The following ATXN10 variants were observed in gnomAD, a reference collection of about 807,000 sequenced individuals.
ATXN10 encodes ataxin-10.
ATXN10 carries 28 observed loss-of-function variants against 52.9 expected under a neutral mutation model. The ratio of observed to expected loss-of-function variants is 0.53; its 90% CI spans 0.39 to 0.73. The LOEUF (loss-of-function observed/expected upper bound fraction) is 0.73, where lower values mean the gene tolerates loss of function less well. Among genes scored for constraint, ATXN10 ranks in the 30% least tolerant of loss-of-function variants. The probability of loss-of-function intolerance (pLI) is 0.00; values close to 1 mark genes in which losing one functional copy is unlikely to be tolerated. For synonymous variants in ATXN10, 226 were observed against 221.5 expected, an observed-to-expected ratio of 1.02 and a Z score of -0.18; for missense variants, 565 against 577.0, an observed-to-expected ratio of 0.98 and a Z score of 0.21.
rs1928077635 is a variant in ATXN10, at chr22:45,805,698, G to A, written c.1174-1261G>A. ...GGATAGTTGCCAAGGACTGGGGGGA[G>A]GGAAGAATAAGGAGTGACTGCCAGT... On this transcript the variant is annotated intron_variant, in intron 9 of 11. Coordinates refer to ENST00000252934, the MANE Select transcript of ATXN10 (RefSeq NM_013236.4). This position sits in a 1 kb window ranked among gnomAD's most constrained non-coding sequence, Gnocchi z 4.4. Among the ~76,000 whole-genome samples, 2 of 152,210 alleles carry A rather than the reference G, an allele frequency of 1.3e-5. No individual in the cohort carries two copies. Among genetic ancestry groups the A allele is most frequent in the Non-Finnish European group, 2.9e-5 (2 of 68,042 alleles).
At chr22:45,749,446 T>C (rs942163030) in intron 9 of ATXN10, among the ~76,000 whole-genome samples, 1 of 152,246 alleles carries the variant, frequency 6.6e-6, no homozygotes, top group African/African-American at 2.4e-5. Flanking sequence ...TTTGTGTGAC[T>C]CTTTGAGGTG....
In ATXN10 at chr22:45,787,379, C is replaced by T. The variant is rs1182417065; in HGVS notation, c.1174-19580C>T. On this transcript the variant is annotated intron_variant, in intron 9 of 11. Coordinates refer to ENST00000252934, the MANE Select transcript of ATXN10 (RefSeq NM_013236.4). The surrounding 1 kb of genome is among the most constrained non-coding windows in gnomAD (Gnocchi z 4.2). ...GGAGTTCGGACCTTTTTCCGTCTAC[C>T]GCTGTGTCTTGATCTGCCTCCTGGC... 1.1e-4 allele frequency among the ~76,000 whole-genome samples: 17 copies of T among 152,114 alleles called. No individual in the cohort carries two copies. Among genetic ancestry groups the T allele is most frequent in the African/African-American group, 3.4e-4 (14 of 41,430 alleles).
chr22:45,694,570 T>A (rs1185720729), intron 3 of ATXN10, among the ~76,000 whole-genome samples: 1 of 151,268 alleles, frequency 6.6e-6, no homozygotes, highest in Non-Finnish European at 1.5e-5. Flanking sequence ...TCATTTGAGG[T>A]CAGGAGTTCA....
chr22:45,755,810 T>C (rs917826456), intron 9 of ATXN10, among the ~76,000 whole-genome samples: 3 of 152,172 alleles, frequency 2.0e-5, no homozygotes, highest in African/African-American at 7.2e-5. Flanking sequence ...CTTAAATATA[T>C]CAGTGCGTTC....
At position 45,757,058 on chromosome 22, in the gene ATXN10, G is replaced by T. The variant is rs1228778450; in HGVS notation, c.1173+16520G>T. ...GTTCCAGATGCTTTCCCAAGTGGCTGTGCCCTCCTCCTATTTGCGGAGGAA... is the reference window on the plus strand; with the variant it reads ...GTTCCAGATGCTTTCCCAAGTGGCTTTGCCCTCCTCCTATTTGCGGAGGAA... On this transcript the variant is annotated intron_variant, in intron 9 of 11. Coordinates refer to ENST00000252934, the MANE Select transcript of ATXN10 (RefSeq NM_013236.4). This position sits in a 1 kb window ranked among gnomAD's most constrained non-coding sequence, Gnocchi z 4.6. Among the ~76,000 whole-genome samples, 2 of 152,130 alleles carry T rather than the reference G, an allele frequency of 1.3e-5. No individual in the cohort carries two copies. The highest frequency in any genetic ancestry group is 3.9e-4 in the East Asian group (2 of 5,188).
In ATXN10 at chr22:45,766,502, G is replaced by C. The variant is rs1436751475; in HGVS notation, c.1173+25964G>C. On this transcript the variant is annotated intron_variant, in intron 9 of 11. Transcript: ENST00000252934. The surrounding 1 kb of genome is among the most constrained non-coding windows in gnomAD (Gnocchi z 4.6). The stretch of plus-strand genomic sequence containing the variant: ...AAAAAGGTTGGGAACTCCTCCTTTA[G>C]ATAAAACTGGATACATCCCTTATAA... Among the ~76,000 whole-genome samples, 1 of 152,144 alleles carries C rather than the reference G, an allele frequency of 6.6e-6. No individual in the cohort carries two copies. The highest frequency in any genetic ancestry group is 1.5e-5 in the Non-Finnish European group (1 of 68,034).
intron 3 of ATXN10, among the ~76,000 whole-genome samples, chr22:45,694,031 A>G (rs1313099317): frequency 1.3e-5 from 2 of 152,204 alleles, no homozygotes; most frequent in Admixed American, 6.5e-5. Flanking sequence ...AAAACAGACA[A>G]AAAGTGTCTG....
At chr22:45,673,516 C>T (rs971452787) in intron 1 of ATXN10, 3 of 152,218 alleles carry the variant, frequency 2.0e-5, no homozygotes, top group Non-Finnish European at 4.4e-5. Flanking sequence ...TTAGGCATTT[C>T]TGTATCATGA....
chr22:45,777,785 G>A (rs909934975), intron 9 of ATXN10, among the ~76,000 whole-genome samples: 8 of 152,246 alleles, frequency 5.3e-5, no homozygotes, highest in African/African-American at 1.4e-4. Context: ...TGGAGTCATG[G>A]TTCTGATTTC....
chr22:45,788,843 C>T (rs1927408335), intron 9 of ATXN10, among the ~76,000 whole-genome samples: 1 of 151,948 alleles, frequency 6.6e-6, no homozygotes, highest in Non-Finnish European at 1.5e-5. Context: ...GAGATGAGGT[C>T]TCGCCGTGTT....
intron 10 of ATXN10, among the ~76,000 whole-genome samples, chr22:45,827,966 C>T (rs548213386): frequency 2.6e-5 from 4 of 152,148 alleles, no homozygotes; most frequent in African/African-American, 9.6e-5. Flanking sequence ...AGAAATAGAA[C>T]TAAAACTGGA....
intron 10 of ATXN10, among the ~76,000 whole-genome samples, chr22:45,830,886 T>C (rs1455076616): frequency 1.1e-4 from 16 of 152,068 alleles, no homozygotes; most frequent in Non-Finnish European, 1.5e-5. Flanking sequence ...GAATTGAGAG[T>C]AGTGTCTCAA....
At position 45,672,049 on chromosome 22, in the gene ATXN10, G is replaced by T; in HGVS notation, c.-15G>T. ...CCTCCTCCTCGTCAGGCTCGACCCA[G>T]CTGTGAGCGGCAAGATGGCGGCGCC... On this transcript the variant is annotated 5_prime_UTR_variant, in exon 1 of 12. Transcript: ENST00000252934. 6.5e-7 allele frequency: 1 copy of T among 1,535,146 alleles called. No homozygotes were observed. The highest frequency in any genetic ancestry group is 8.7e-7 in the Non-Finnish European group (1 of 1,144,616).
chr22:45,799,251 A>G (rs1302776249), intron 9 of ATXN10, among the ~76,000 whole-genome samples: 4 of 152,162 alleles, frequency 2.6e-5, no homozygotes, highest in Non-Finnish European at 5.9e-5. Context: ...AACATTTTTT[A>G]TAAAAATTGA....
Position 45,826,332 on chromosome 22 carries a change from T to C in ATXN10, c.1238-16659T>C, listed in dbSNP as rs750832988. Among the ~76,000 whole-genome samples the C allele has an allele frequency of 2.0e-5, 3 of 152,080 alleles. No individual in the cohort carries two copies. The highest frequency in any genetic ancestry group is 7.2e-5 in the African/African-American group (3 of 41,404). On this transcript the variant is annotated intron_variant, in intron 10 of 11. Coordinates refer to ENST00000252934, the MANE Select transcript of ATXN10 (RefSeq NM_013236.4). The surrounding 1 kb of genome is among the most constrained non-coding windows in gnomAD (Gnocchi z 5.0). ...TGGAACACCATCAAGCCAACCAACATACGCATTGTGGGAAACAAGGAAAAA... is the reference window on the plus strand; with the variant it reads ...TGGAACACCATCAAGCCAACCAACACACGCATTGTGGGAAACAAGGAAAAA...
rs376806622 is a variant in ATXN10 at position 45,719,531 on chromosome 22, C to T, written c.728+1038C>T. ...GTTTTTTGACCTAAAAGAGATAATA[C>T]GACATACAGTGCTAAAAATTAGTAT... On this transcript the variant is annotated intron_variant, in intron 6 of 11. Coordinates refer to ENST00000252934, the MANE Select transcript of ATXN10 (RefSeq NM_013236.4). Among the ~76,000 whole-genome samples, 6 of 151,162 alleles carry T rather than the reference C, an allele frequency of 4.0e-5. 1 individual carries two copies. The highest frequency in any genetic ancestry group is 3.4e-3 in the Middle Eastern group (1 of 292).
intron 1 of ATXN10, among the ~76,000 whole-genome samples, chr22:45,687,089 T>G (rs1488007464): frequency 6.6e-6 from 1 of 152,188 alleles, no homozygotes; most frequent in Non-Finnish European, 1.5e-5. Flanking sequence ...TTAATAGTTA[T>G]TTGGATTTCA....
rs747358022 is a variant in ATXN10 at position 45,736,499 on chromosome 22, TTACAGATAAGG to T, written c.895-2231_895-2221del. Among the ~76,000 whole-genome samples, 458 of 152,296 alleles carry T rather than the reference TTACAGATAAGG, an allele frequency of 3.0e-3. 2 individuals are homozygous for T. The highest frequency in any genetic ancestry group is 0.011 in the South Asian group (51 of 4,826). On this transcript the variant is annotated intron_variant, in intron 7 of 11. Transcript: ENST00000252934. Reference sequence around the variant, plus strand: ...TAAGGGCCACCTTATCTGTAACACCTTACAGATAAGGGCAAGTGATTGACATAACTTTACTC... The same window carrying T: ...TAAGGGCCACCTTATCTGTAACACCTGCAAGTGATTGACATAACTTTACTC...
chr22:45,674,399 T>G (rs1472444567), intron 1 of ATXN10: 1 of 152,230 alleles, frequency 6.6e-6, no homozygotes, highest in Non-Finnish European at 1.5e-5. Context: ...CACAGTTGTG[T>G]GGTGGTGCAG....
Sources: gnomAD v4.1 joint callset for allele counts (sites outside exome capture counted in the v4.1 genomes callset) on GRCh38, gnomAD v4.1.1 for gene constraint, Gnocchi (gnomAD v3.1) non-coding constraint, MANE v1.5 for transcripts, NCBI Gene and HGNC (gene_info 2026-07-23, HGNC 2026-07-21) for gene names.